The following AVEN variants were observed in gnomAD, a reference collection of about 807,000 sequenced individuals.
AVEN encodes cell death regulator Aven.
In AVEN, 41 loss-of-function variants were observed where a neutral mutation model predicts 38.1. That is an observed-to-expected ratio of 1.08 (90% CI 0.84 to 1.40). The LOEUF (loss-of-function observed/expected upper bound fraction) is 1.40, where lower values mean the gene tolerates loss of function less well. AVEN is among the 40% of genes most tolerant of loss of function. The pLI is 0.00. For synonymous variants in AVEN, 206 were observed against 171.8 expected, an observed-to-expected ratio of 1.20 and a Z score of -1.56; for missense variants, 605 against 438.8, an observed-to-expected ratio of 1.38 and a Z score of -3.38.
chr15:33,962,240 T>C (rs576751648), intron 2 of AVEN, among the ~76,000 whole-genome samples: 74 of 152,350 alleles, frequency 4.9e-4, no homozygotes, highest in South Asian at 3.7e-3. Context: ...TTCTCACATA[T>C]GTCAATTGTA....
intron 2 of AVEN, among the ~76,000 whole-genome samples, chr15:33,999,696 C>A (rs565058938): frequency 6.6e-6 from 1 of 152,308 alleles, no homozygotes; most frequent in South Asian, 2.1e-4. Context: ...CTGGACCCAG[C>A]AACCACCACC....
chr15:34,030,114 C>A (rs1429968617), intron 1 of AVEN, among the ~76,000 whole-genome samples: 1 of 151,968 alleles, frequency 6.6e-6, no homozygotes, highest in African/African-American at 2.4e-5. Context: ...ATTAGCCAGG[C>A]ATGGTGGCAC....
intron 2 of AVEN, among the ~76,000 whole-genome samples, chr15:33,983,142 G>GTGTGTGTGTA (rs1896230653): frequency 2.6e-5 from 3 of 115,658 alleles, no homozygotes; most frequent in African/African-American, 1.4e-4. Context: ...GTGTGTGTGT[G>GTGTGTGTGTA]TGTGTGTGTG....
At chr15:33,868,540 G>A (rs1293841429) in intron 4 of AVEN, among the ~76,000 whole-genome samples, 10 of 83,572 alleles carry the variant, frequency 1.2e-4, no homozygotes, top group East Asian at 9.5e-4. Flanking sequence ...ATGAGACTCC[G>A]TCTCAAAAAA....
chr15:33,900,829 G>A (rs890567630), intron 2 of AVEN, among the ~76,000 whole-genome samples: 8 of 151,920 alleles, frequency 5.3e-5, no homozygotes, highest in Non-Finnish European at 8.8e-5. Flanking sequence ...AACTGCCAAC[G>A]AACAGTTTTT....
At chr15:33,940,270 C>T (rs950166690) in intron 2 of AVEN, among the ~76,000 whole-genome samples, 2 of 152,216 alleles carry the variant, frequency 1.3e-5, no homozygotes, top group Non-Finnish European at 2.9e-5. Context: ...TTCTAACAAT[C>T]TTAAAAAATC....
intron 2 of AVEN, among the ~76,000 whole-genome samples, chr15:33,895,651 C>T (rs1892203668): frequency 6.6e-6 from 1 of 152,086 alleles, no homozygotes; most frequent in South Asian, 2.1e-4. Context: ...TTAACTGAAT[C>T]GCTGCAGTTG....
intron 2 of AVEN, among the ~76,000 whole-genome samples, chr15:33,911,464 T>C (rs1024481852): frequency 1.1e-4 from 16 of 152,216 alleles, no homozygotes; most frequent in African/African-American, 3.9e-4. Context: ...TGGCATTATA[T>C]ACTTTTCTTT....
Position 34,006,030 on chromosome 15 carries a change from G to A in AVEN, c.268-2821C>T, listed in dbSNP as rs111557572. ...GGAACATTCTACAGAAAATAGCCTTGGCCAGGCACGGTGGCTCACACCTGT... is the reference window on the plus strand; with the variant it reads ...GGAACATTCTACAGAAAATAGCCTTAGCCAGGCACGGTGGCTCACACCTGT... On this transcript the variant is annotated intron_variant, in intron 1 of 5. Coordinates refer to ENST00000306730, the MANE Select transcript of AVEN (RefSeq NM_020371.3). 4.3e-3 allele frequency among the ~76,000 whole-genome samples: 648 copies of A among 152,280 alleles called. 3 individuals carry two copies. Among genetic ancestry groups the A allele is most frequent in the Non-Finnish European group, 6.4e-3 (432 of 68,020 alleles).
chr15:33,950,419 A>T (rs932495525), intron 2 of AVEN, among the ~76,000 whole-genome samples: 39 of 152,334 alleles, frequency 2.6e-4, no homozygotes, highest in African/African-American at 8.2e-4. Flanking sequence ...TACACTGTGT[A>T]TACAAATATC....
chr15:33,995,776 C>G (rs140619918), intron 2 of AVEN, among the ~76,000 whole-genome samples: 268 of 152,330 alleles, frequency 1.8e-3, no homozygotes, highest in African/African-American at 5.9e-3. Flanking sequence ...ATGCAGAAGA[C>G]AGTGATTTCT....
intron 2 of AVEN, among the ~76,000 whole-genome samples, chr15:33,941,729 C>CA (rs200607677): frequency 2.1e-4 from 31 of 150,112 alleles, no homozygotes; most frequent in East Asian, 3.9e-4. Flanking sequence ...CTATTAAAAA[C>CA]AAAAAAAAAT....
At chr15:33,990,450 A>T (rs1896673656) in intron 2 of AVEN, among the ~76,000 whole-genome samples, 1 of 152,236 alleles carries the variant, frequency 6.6e-6, no homozygotes, top group Admixed American at 6.5e-5. Flanking sequence ...GTCTAACTGA[A>T]GAGTAACTGG....
At position 33,894,562 on chromosome 15, in the gene AVEN, C is replaced by T. The variant is rs372259169; in HGVS notation, c.446-18567G>A. ...TCGGCCGGGCACAGTGGCTCACTAG[C>T]ACTTTGGGAGGCCGAGGCAGGGGGA... On this transcript the variant is annotated intron_variant, in intron 2 of 5. Coordinates refer to ENST00000306730, the MANE Select transcript of AVEN (RefSeq NM_020371.3). Among the ~76,000 whole-genome samples, 6 of 145,778 alleles carry T rather than the reference C, an allele frequency of 4.1e-5. No homozygotes were observed. In the East Asian group the frequency reaches 6.2e-4, roughly 15 times the overall value.
chr15:34,035,473 G>A (rs1442716998), intron 1 of AVEN, among the ~76,000 whole-genome samples: 1 of 152,162 alleles, frequency 6.6e-6, no homozygotes, highest in African/African-American at 2.4e-5. Flanking sequence ...GCAGTTTAGA[G>A]CAGCAGTCGA....
At chr15:33,987,146 G>C (rs929600771) in intron 2 of AVEN, among the ~76,000 whole-genome samples, 1 of 152,160 alleles carries the variant, frequency 6.6e-6, no homozygotes, top group African/African-American at 2.4e-5. Context: ...TCTGAGACCA[G>C]TGCAGTATTC....
chr15:34,030,060 C>G (rs1051706565), intron 1 of AVEN, among the ~76,000 whole-genome samples: 12 of 152,070 alleles, frequency 7.9e-5, no homozygotes, highest in African/African-American at 2.7e-4. Context: ...TCGAGCCCAG[C>G]CTGGCCAACA....
chr15:34,075,181 C>CAAAAAAAAAA, upstream of AVEN, among the ~76,000 whole-genome samples: 1 of 67,294 alleles, frequency 1.5e-5, no homozygotes, highest in Non-Finnish European at 3.0e-5. Context: ...GACTCTGGCT[C>CAAAAAAAAAA]AAAAAAAAAA....
At chr15:33,975,543 T>A (rs971549982) in intron 2 of AVEN, among the ~76,000 whole-genome samples, 1 of 152,198 alleles carries the variant, frequency 6.6e-6, no homozygotes, top group Non-Finnish European at 1.5e-5. Flanking sequence ...TCTCAAAAAA[T>A]TATTTGCAAT....
Sources: allele counts gnomAD v4.1 joint callset (sites outside exome capture counted in the v4.1 genomes callset), GRCh38; gene constraint gnomAD v4.1.1; transcripts MANE v1.5; gene names NCBI Gene and HGNC (gene_info 2026-07-23, HGNC 2026-07-21).